ICA1L: variants seen among roughly 807,000 people sequenced by gnomAD.
The protein encoded by ICA1L is islet cell autoantigen 1 like.
In ICA1L, 50 loss-of-function variants were observed where a neutral mutation model predicts 61.3. That is an observed-to-expected ratio of 0.82 (90% CI 0.65 to 1.03). The LOEUF is 1.03. Among genes scored for constraint, ICA1L ranks in the 50% least tolerant of loss-of-function variants. The pLI, the probability that ICA1L is intolerant of heterozygous loss-of-function variation, is 0.00. For synonymous variants in ICA1L, 161 were observed against 191.3 expected (o/e 0.84, Z 1.31); for missense variants, 508 against 556.7 (o/e 0.91, Z 0.88).
rs149564379 is a variant in ICA1L, at chr2:202,847,302, G to A, written c.-7-18286C>T. ...AGAAAAATAAGGGCAATTAGAAGAAGCAGTTCTCTAAGTGGGAAGGTTACA... is the reference window on the plus strand; with the variant it reads ...AGAAAAATAAGGGCAATTAGAAGAAACAGTTCTCTAAGTGGGAAGGTTACA... On this transcript the variant is annotated intron_variant, in intron 1 of 12. Transcript: ENST00000358299. Among the ~76,000 whole-genome samples the A allele has an allele frequency of 3.2e-3, 490 of 152,304 alleles. 3 individuals are homozygous for A. Among genetic ancestry groups the A allele is most frequent in the African/African-American group, 0.011 (459 of 41,558 alleles).
chr2:202,841,975 C>G (rs540702555), intron 1 of ICA1L, among the ~76,000 whole-genome samples: 2 of 151,806 alleles, frequency 1.3e-5, no homozygotes, highest in Non-Finnish European at 2.9e-5. Flanking sequence ...CTTAGTCTCC[C>G]GAGTAGCTGG....
chr2:202,782,875 C>T (rs72932722), intron 12 of ICA1L, among the ~76,000 whole-genome samples: 2 of 151,858 alleles, frequency 1.3e-5, no homozygotes, highest in Non-Finnish European at 2.9e-5. Flanking sequence ...GTTTTAAATG[C>T]TTAAGCACAA....
chr2:202,791,803 C>T (rs1449202676), intron 10 of ICA1L, among the ~76,000 whole-genome samples: 2 of 152,034 alleles, frequency 1.3e-5, no homozygotes, highest in African/African-American at 4.8e-5. Flanking sequence ...TGAGATTGTG[C>T]CATTGCACTC....
chr2:202,774,157 A>T lies in ICA1L; in HGVS notation c.*5376T>A, dbSNP rs781737532. 4.6e-6 allele frequency: 7 copies of T among 1,536,662 alleles called. No individual in the cohort carries two copies. Among genetic ancestry groups the T allele is most frequent in the South Asian group, 1.2e-5 (1 of 83,756 alleles). ...TAATCAATTCATTTGTTGATGCTTCATATCTGAGCGGCTTCTTGGAGAGCG... is the reference window on the plus strand; with the variant it reads ...TAATCAATTCATTTGTTGATGCTTCTTATCTGAGCGGCTTCTTGGAGAGCG... On this transcript the variant is annotated 3_prime_UTR_variant, in exon 13 of 13. Transcript: ENST00000358299.
intron 1 of ICA1L, among the ~76,000 whole-genome samples, chr2:202,850,378 C>T (rs181048947): frequency 8.9e-4 from 136 of 152,216 alleles, no homozygotes; most frequent in African/African-American, 3.1e-3. Context: ...TGCAAGGAAG[C>T]TAAGAACCTT....
In ICA1L at chr2:202,779,662, A is replaced by C. The variant is rs1396421437; in HGVS notation, c.1334-14T>G. ...CATTGTTGGGGGCTATTAAAAAAGA[A>C]AAAAAATACATTAAAGAGATTCAGT... is the stretch of plus-strand genomic sequence containing the variant. On this transcript the variant is annotated splice_polypyrimidine_tract_variant and intron_variant, in intron 12 of 12. Transcript: ENST00000358299. 1.4e-6 allele frequency: 2 copies of C among 1,415,344 alleles called. No homozygotes were observed. The highest frequency in any genetic ancestry group is 4.6e-5 in the East Asian group (2 of 43,926). The allele number at this position is 1,415,344 out of a possible 1,614,324, so 87.7% of individuals were successfully genotyped here.
chr2:202,785,416 GTTTC>G (rs925301106), intron 12 of ICA1L, among the ~76,000 whole-genome samples: 5 of 151,876 alleles, frequency 3.3e-5, no homozygotes, highest in African/African-American at 4.8e-5. Flanking sequence ...CAAGCTCACA[GTTTC>G]TTTCTTTCTT....
intron 6 of ICA1L, among the ~76,000 whole-genome samples, chr2:202,816,247 A>G (rs1378498319): frequency 6.6e-6 from 1 of 152,202 alleles, no homozygotes; most frequent in Non-Finnish European, 1.5e-5. Flanking sequence ...AGGAATGCAC[A>G]CTGGAGCCAC....
intron 1 of ICA1L, chr2:202,841,710 C>T (rs72934704): frequency 0.096 from 49,977 of 519,204 alleles, 2,965 homozygotes; most frequent in Non-Finnish European, 0.13. Context: ...GAGCAGTTGC[C>T]GAAGGCCTGG....
chr2:202,820,089 G>A lies in ICA1L; in HGVS notation c.360-190C>T, dbSNP rs117211875. The A allele has an allele frequency of 2.2e-3, 1,275 of 579,482 alleles. 29 individuals carry two copies. The East Asian group carries it at 0.032, about 15-fold the overall frequency. 35.9% of individuals were successfully genotyped at this position (579,482 alleles called of 1,614,324 possible). ...AACTCTGAATTATCAATAAAGATGT[G>A]TTGGCCGGGCGCGGTGGCTGACGCT... On this transcript the variant is annotated intron_variant, in intron 4 of 12. Coordinates refer to ENST00000358299, the MANE Select transcript of ICA1L (RefSeq NM_001288622.3).
chr2:202,793,805 G>C (rs1010484479), intron 10 of ICA1L, among the ~76,000 whole-genome samples: 9 of 151,758 alleles, frequency 5.9e-5, no homozygotes, highest in Non-Finnish European at 8.8e-5. Flanking sequence ...TGACCAACAT[G>C]GTGAAACCCC....
chr2:202,800,963 G>C (rs888156535), intron 9 of ICA1L, among the ~76,000 whole-genome samples: 3 of 152,014 alleles, frequency 2.0e-5, no homozygotes, highest in African/African-American at 4.8e-5. Flanking sequence ...GAAATGTACA[G>C]AAGATTTAAA....
At chr2:202,852,671 CAAAAAAAAAAA>C (rs574400027) in intron 1 of ICA1L, among the ~76,000 whole-genome samples, 42 of 42,208 alleles carry the variant, frequency 1.0e-3, no homozygotes, top group Non-Finnish European at 1.3e-3. Context: ...GACTCTGTCT[CAAAAAAAAAAA>C]AAAAAAAAAA....
chr2:202,839,360 G>A (rs2105869930), intron 1 of ICA1L, among the ~76,000 whole-genome samples: 1 of 152,106 alleles, frequency 6.6e-6, no homozygotes, highest in South Asian at 2.1e-4. Flanking sequence ...TTAGCTGAGT[G>A]TGGTGGCAGG....
rs181055151 is a variant in ICA1L, at chr2:202,868,136, C to T, written c.-8+3483G>A. 7.6e-4 allele frequency among the ~76,000 whole-genome samples: 115 copies of T among 151,626 alleles called. 1 individual carries two copies. The highest frequency in any genetic ancestry group is 3.4e-3 in the Middle Eastern group (1 of 294). ...ATAAATATCACTGAATTGTACACTT[C>T]GAAACGGTTGTTTGGGTTTGTTTAG... On this transcript the variant is annotated intron_variant, in intron 1 of 12. Transcript: ENST00000358299.
chr2:202,784,908 C>T (rs1574322803), intron 12 of ICA1L, among the ~76,000 whole-genome samples: 1 of 151,918 alleles, frequency 6.6e-6, no homozygotes, highest in South Asian at 2.1e-4. Context: ...TTAATATTAC[C>T]AAACTGTACT....
Position 202,779,648 on chromosome 2 carries a change from G to T in ICA1L, c.1334C>A (p.Ser445Tyr), listed in dbSNP as rs373168723. Residue 445 changes from serine (S) to tyrosine (Y), a missense_variant and splice_region_variant, in exon 13 of 13, where the codon TCC becomes TAC. Transcript: ENST00000358299. ...CATGTCTTGGTTGCCATTGTTGGGG[G>T]CTATTAAAAAAGAAAAAAAATACAT... is the stretch of plus-strand genomic sequence containing the variant. ...PSQSPKKLTR[S>Y]PNNGNQDMSA... 8.2e-6 allele frequency: 13 copies of T among 1,582,438 alleles called. No individual in the cohort carries two copies. The highest frequency in any genetic ancestry group is 1.8e-5 in the Admixed American group (1 of 56,362).
At chr2:202,795,946 G>A (rs970685115) in intron 10 of ICA1L, among the ~76,000 whole-genome samples, 1 of 151,864 alleles carries the variant, frequency 6.6e-6, no homozygotes, top group Non-Finnish European at 1.5e-5. Context: ...GGGAGGCTTA[G>A]GCACAAGAAT....
intron 10 of ICA1L, 70 bp downstream of exon 10, chr2:202,796,820 G>A (rs182123269): frequency 6.4e-4 from 594 of 931,728 alleles, no homozygotes; most frequent in Non-Finnish European, 8.7e-4. Flanking sequence ...TAATGTTAAG[G>A]AAATAAATGT....
Sources: gnomAD v4.1 joint callset for allele counts (sites outside exome capture counted in the v4.1 genomes callset) on GRCh38, gnomAD v4.1.1 for gene constraint, MANE v1.5 for transcripts, NCBI Gene and HGNC (gene_info 2026-07-23, HGNC 2026-07-21) for gene names.